Variants in ANGPT1 observed in about 807,000 individuals in gnomAD.
ANGPT1 encodes the protein angiopoietin 1.
In ANGPT1, 17 loss-of-function variants were observed where a neutral mutation model predicts 62.2. That is an observed-to-expected ratio of 0.27 (90% CI 0.19 to 0.41). The LOEUF is 0.41. Ranked by LOEUF, ANGPT1 falls within the 10% of genes least tolerant of loss-of-function variation. The probability of loss-of-function intolerance (pLI) is 1.00; values close to 1 mark genes in which losing one functional copy is unlikely to be tolerated. For missense variants in ANGPT1, 478 were observed against 594.9 expected, an observed-to-expected ratio of 0.80 and a Z score of 2.04; for synonymous variants, 199 against 198.9, an observed-to-expected ratio of 1.00 and a Z score of 0.00.
rs1172763198 is a variant in ANGPT1 at position 107,395,875 on chromosome 8, CTG to C, written c.298-48780_298-48779del. 4.6e-5 allele frequency among the ~76,000 whole-genome samples: 7 copies of C among 152,218 alleles called. No homozygotes were observed. In the East Asian group the frequency reaches 1.4e-3, roughly 29 times the overall value. The stretch of plus-strand genomic sequence containing the variant: ...ATCATTGAATGCCCAGAGCTAGACA[CTG>C]GGGATAAAAGAATTGGTCTCAAGGA... On this transcript the variant is annotated intron_variant, in intron 1 of 8. Coordinates refer to ENST00000517746, the MANE Select transcript of ANGPT1 (RefSeq NM_001146.5).
intron 1 of ANGPT1, among the ~76,000 whole-genome samples, chr8:107,446,902 A>C (rs60447751): frequency 0.067 from 10,240 of 152,200 alleles, 450 homozygotes; most frequent in African/African-American, 0.11. Flanking sequence ...ATTCTAACAT[A>C]AAATAACGAA....
At chr8:107,398,753 C>T (rs1241466361) in intron 1 of ANGPT1, among the ~76,000 whole-genome samples, 1 of 152,020 alleles carries the variant, frequency 6.6e-6, no homozygotes, top group South Asian at 2.1e-4. Flanking sequence ...TTTTTCAAGT[C>T]TGCTTTTACA....
chr8:107,303,363 T>G lies in ANGPT1; in HGVS notation c.813A>C (p.Leu271Phe). The G allele has an allele frequency of 6.6e-7, 1 of 1,515,160 alleles. No individual in the cohort carries two copies. Among genetic ancestry groups the G allele is most frequent in the South Asian group, 1.2e-5 (1 of 80,580 alleles). The allele number at this position is 1,515,160 out of a possible 1,614,324, so 93.9% of individuals were successfully genotyped here. A position where few individuals can be genotyped will look rare whatever the true frequency, so the allele number is the denominator to read the frequency against. ...CTTCCTCTCTTTTTCCTCCCTTTAG[T>G]AAAACTGCAAAAAAAAAAAAAAAGA... Reference protein sequence around the residue: ...LVNLCTKEGVLLKGGKREEEK... With the variant: ...LVNLCTKEGVFLKGGKREEEK... Residue 271 changes from leucine (L) to phenylalanine (F), a missense_variant, in exon 5 of 9, where the codon TTA (leucine) becomes TTC (phenylalanine). By Grantham distance (22) the Leu-to-Phe change is conservative. Transcript: ENST00000517746.
chr8:107,430,500 TC>T (rs1388448814), intron 1 of ANGPT1, among the ~76,000 whole-genome samples: 1 of 152,218 alleles, frequency 6.6e-6, no homozygotes, highest in African/African-American at 2.4e-5. Context: ...CTAGATTGCA[TC>T]CGTGTGGTAG....
At chr8:107,366,608 A>G (rs1816279246) in intron 1 of ANGPT1, among the ~76,000 whole-genome samples, 1 of 152,140 alleles carries the variant, frequency 6.6e-6, no homozygotes, top group African/African-American at 2.4e-5. Context: ...CAGTTGTGAA[A>G]CTTAACTGCG....
intron 1 of ANGPT1, among the ~76,000 whole-genome samples, chr8:107,374,013 C>A (rs1262631051): frequency 6.6e-6 from 1 of 152,188 alleles, no homozygotes; most frequent in Non-Finnish European, 1.5e-5. Context: ...CTGAACTTAG[C>A]ACCACTTCAA....
intron 1 of ANGPT1, among the ~76,000 whole-genome samples, chr8:107,352,783 T>C (rs1815960597): frequency 6.6e-6 from 1 of 152,182 alleles, no homozygotes; most frequent in Non-Finnish European, 1.5e-5. Flanking sequence ...TTGGTGCATA[T>C]GGCATTACTC....
intron 1 of ANGPT1, among the ~76,000 whole-genome samples, chr8:107,454,856 A>T (rs1305785379): frequency 1.3e-5 from 2 of 152,072 alleles, no homozygotes; most frequent in Non-Finnish European, 2.9e-5. Flanking sequence ...GTATGCTCTT[A>T]TTGAGAAGGC....
intron 4 of ANGPT1, among the ~76,000 whole-genome samples, chr8:107,308,213 T>G (rs542130241): frequency 1.5e-4 from 20 of 136,420 alleles, no homozygotes; most frequent in Non-Finnish European, 2.7e-4. Flanking sequence ...AGATCTTCCA[T>G]GAACGCTATA....
At chr8:107,320,565 C>T (rs1305165531) in intron 4 of ANGPT1, among the ~76,000 whole-genome samples, 1 of 152,164 alleles carries the variant, frequency 6.6e-6, no homozygotes, top group East Asian at 1.9e-4. Flanking sequence ...TACTACCATG[C>T]TTTCCTTCCA....
At chr8:107,277,241 A>G (rs1223967384) in intron 7 of ANGPT1, among the ~76,000 whole-genome samples, 1 of 152,172 alleles carries the variant, frequency 6.6e-6, no homozygotes, top group African/African-American at 2.4e-5. Flanking sequence ...ATGAACTGTA[A>G]GGAACAAACT....
chr8:107,474,307 C>T (rs1346668671), intron 1 of ANGPT1, among the ~76,000 whole-genome samples: 1 of 152,032 alleles, frequency 6.6e-6, no homozygotes, highest in African/African-American at 2.4e-5. Flanking sequence ...TGTAATCCAG[C>T]ATATAAACAG....
At position 107,251,897 on chromosome 8, in the gene ANGPT1, G is replaced by A. The variant is rs1404123561; in HGVS notation, c.1455C>T (p.Ser485=). ...KWHYFKGPSY[S]LRSTTMMIRP... The stretch of plus-strand genomic sequence containing the variant: ...GAATCATCATAGTTGTGGAACGTAA[G>A]GAGTAACTGGGCCCTTTGAAGTAGT... The change falls in exon 9 of 9, where the codon TCC becomes TCT. Residue 485 remains serine, a synonymous_variant. Coordinates refer to ENST00000517746, the MANE Select transcript of ANGPT1 (RefSeq NM_001146.5). The A allele has an allele frequency of 1.9e-5, 30 of 1,613,834 alleles. No individual in the cohort carries two copies. The highest frequency in any genetic ancestry group is 2.4e-5 in the Non-Finnish European group (28 of 1,179,892).
chr8:107,485,144 T>C (rs899659414), intron 1 of ANGPT1, among the ~76,000 whole-genome samples: 1 of 152,184 alleles, frequency 6.6e-6, no homozygotes, highest in African/African-American at 2.4e-5. Flanking sequence ...GCTTGAGCAA[T>C]ACAGCGTGTG....
chr8:107,442,028 G>A (rs538158257), intron 1 of ANGPT1, among the ~76,000 whole-genome samples: 1 of 152,180 alleles, frequency 6.6e-6, no homozygotes, highest in South Asian at 2.1e-4. Flanking sequence ...AGGTTGCAGT[G>A]AGCCAAGATC....
intron 7 of ANGPT1, among the ~76,000 whole-genome samples, chr8:107,278,083 T>C (rs753536097): frequency 5.3e-5 from 8 of 152,002 alleles, no homozygotes; most frequent in Non-Finnish European, 1.0e-4. Flanking sequence ...CTTTTCTTTT[T>C]TTTTTTTTTA....
At chr8:107,253,315 T>C (rs1813288594) in intron 8 of ANGPT1, among the ~76,000 whole-genome samples, 1 of 152,222 alleles carries the variant, frequency 6.6e-6, no homozygotes. Flanking sequence ...AGTAAAATCC[T>C]ACCTTTGTTT....
At chr8:107,468,065 C>T (rs1001318167) in intron 1 of ANGPT1, among the ~76,000 whole-genome samples, 2 of 152,088 alleles carry the variant, frequency 1.3e-5, no homozygotes, top group Non-Finnish European at 2.9e-5. Context: ...TGAATGGAAT[C>T]TACAACTTGA....
At chr8:107,327,741 C>A (rs1815323551) in intron 3 of ANGPT1, among the ~76,000 whole-genome samples, 1 of 152,088 alleles carries the variant, frequency 6.6e-6, no homozygotes, top group Non-Finnish European at 1.5e-5. Flanking sequence ...TCTGGAAACA[C>A]TTTGAGAAGA....
Sources: gnomAD v4.1 joint callset for allele counts (sites outside exome capture counted in the v4.1 genomes callset) on GRCh38, gnomAD v4.1.1 for gene constraint, MANE v1.5 for transcripts, NCBI Gene and HGNC (gene_info 2026-07-23, HGNC 2026-07-21) for gene names.